The following NDNF variants were observed in gnomAD, a reference collection of about 807,000 sequenced individuals.
NDNF encodes protein NDNF.
Under a neutral mutation model 42.0 loss-of-function variants are expected in NDNF, and 16 were observed. That is an observed-to-expected ratio of 0.38 (90% CI 0.26 to 0.58). The LOEUF (loss-of-function observed/expected upper bound fraction) is 0.58. NDNF is among the 20% of genes least tolerant of loss of function. The probability of loss-of-function intolerance (pLI) is 0.67; values close to 1 mark genes in which losing one functional copy is unlikely to be tolerated. For missense variants in NDNF, 616 were observed against 666.2 expected (o/e 0.92, Z 0.83); for synonymous variants, 248 against 251.7 (o/e 0.99, Z 0.14).
At chr4:121,045,548 G>A in intron 2 of NDNF, 102 bp downstream of exon 2, 1 of 973,242 alleles carries the variant, frequency 1.0e-6, no homozygotes, top group Non-Finnish European at 1.5e-6. Flanking sequence ...GCCATTCATA[G>A]GTTGATTTGT....
intron 1 of NDNF, among the ~76,000 whole-genome samples, chr4:121,052,824 C>T (rs1050309990): frequency 1.3e-5 from 2 of 152,102 alleles, no homozygotes; most frequent in African/African-American, 4.8e-5. Flanking sequence ...ATGAAAATGT[C>T]TGAAGTTAGT....
rs750727519 is a variant in NDNF at position 121,037,511 on chromosome 4, C to T, written c.460G>A (p.Glu154Lys). 1.9e-6 allele frequency: 3 copies of T among 1,614,080 alleles called. No individual in the cohort carries two copies. The Admixed American group carries it at 5.0e-5, about 27-fold the overall frequency. ...TATACTTTGAAATGTGTGTCTTTCT[C>T]TGTTGAAAGAAGATCCAACTGATAT... The part of the protein sequence containing the change: ...GLYQLDLLST[E>K]KDTHFKVYAT... Residue 154 changes from glutamate (E) to lysine (K), a missense_variant, in exon 4 of 4, where the codon GAG (glutamate) becomes AAG (lysine). Physicochemically the swap from Glu to Lys is moderately conservative, Grantham distance 56. Coordinates refer to ENST00000379692, the MANE Select transcript of NDNF (RefSeq NM_024574.4).
At chr4:121,068,937 T>C (rs2148773742) in intron 1 of NDNF, among the ~76,000 whole-genome samples, 1 of 152,216 alleles carries the variant, frequency 6.6e-6, no homozygotes, top group African/African-American at 2.4e-5. Context: ...CAAAAACACA[T>C]TCAGTTTTAA....
intron 1 of NDNF, among the ~76,000 whole-genome samples, chr4:121,070,419 G>A (rs1727570254): frequency 6.6e-6 from 1 of 152,272 alleles, no homozygotes; most frequent in East Asian, 1.9e-4. Flanking sequence ...GTTTGAAGGG[G>A]GCGGAGAATG....
intron 1 of NDNF, among the ~76,000 whole-genome samples, chr4:121,048,050 T>C (rs564878178): frequency 7.9e-5 from 12 of 152,328 alleles, no homozygotes; most frequent in Admixed American, 7.8e-4. Context: ...CCTCTGCTCC[T>C]CTTTTGTTTG....
chr4:121,042,782 A>G (rs550913520), intron 2 of NDNF, among the ~76,000 whole-genome samples: 43 of 152,322 alleles, frequency 2.8e-4, no homozygotes, highest in Admixed American at 2.6e-3. Flanking sequence ...TGAATAACAG[A>G]GCTAAGCAAC....
chr4:121,067,245 TAA>T (rs1031267653), intron 1 of NDNF, among the ~76,000 whole-genome samples: 3 of 152,212 alleles, frequency 2.0e-5, no homozygotes, highest in African/African-American at 4.8e-5. Flanking sequence ...AAAGAAGAAT[TAA>T]AAGAGACATT....
chr4:121,036,188 G>C lies in NDNF; in HGVS notation c.*76C>G, dbSNP rs910783999. On this transcript the variant is annotated 3_prime_UTR_variant, in exon 4 of 4. Transcript: ENST00000379692. ...AGGTCACAACTTCTCTCAACTGTGGGAGTAGTCAGTTTATACTTAAAGTGA... is the reference window on the plus strand; with the variant it reads ...AGGTCACAACTTCTCTCAACTGTGGCAGTAGTCAGTTTATACTTAAAGTGA... The C allele has an allele frequency of 1.7e-6, 2 of 1,170,196 alleles. No homozygotes were observed. The highest frequency in any genetic ancestry group is 2.3e-5 in the East Asian group (1 of 42,704). The allele number at this position is 1,170,196 out of a possible 1,614,324, so 72.5% of individuals were successfully genotyped here. A position where few individuals can be genotyped will look rare whatever the true frequency, so the allele number is the denominator to read the frequency against.
intron 1 of NDNF, among the ~76,000 whole-genome samples, chr4:121,052,581 A>G (rs975317068): frequency 2.0e-5 from 3 of 152,230 alleles, no homozygotes; most frequent in Non-Finnish European, 2.9e-5. Flanking sequence ...CACATTTGAT[A>G]ATAAATCTGA....
At chr4:121,047,429 C>T (rs1727113026) in intron 1 of NDNF, among the ~76,000 whole-genome samples, 1 of 152,160 alleles carries the variant, frequency 6.6e-6, no homozygotes, top group Non-Finnish European at 1.5e-5. Context: ...TAGCTGCTAT[C>T]CTATGCAAAA....
intron 2 of NDNF, among the ~76,000 whole-genome samples, chr4:121,040,957 T>A (rs1726987872): frequency 6.6e-6 from 1 of 152,174 alleles, no homozygotes; most frequent in South Asian, 2.1e-4. Flanking sequence ...TTTCATATCT[T>A]TTGGAATCGC....
chr4:121,056,573 A>C (rs529601824), intron 1 of NDNF, among the ~76,000 whole-genome samples: 1 of 152,338 alleles, frequency 6.6e-6, no homozygotes, highest in African/African-American at 2.4e-5. Flanking sequence ...TACTACAGCA[A>C]GAAAAAAAGA....
At chr4:121,049,984 T>C (rs1270636564) in intron 1 of NDNF, among the ~76,000 whole-genome samples, 1 of 152,200 alleles carries the variant, frequency 6.6e-6, no homozygotes, top group Admixed American at 6.5e-5. Flanking sequence ...AAAACTTAAA[T>C]ATTAGGGAGC....
intron 3 of NDNF, among the ~76,000 whole-genome samples, chr4:121,039,681 G>C (rs1257209137): frequency 6.6e-6 from 1 of 152,026 alleles, no homozygotes; most frequent in Non-Finnish European, 1.5e-5. Context: ...AGCCATAGAG[G>C]CTAGTCCAAA....
At chr4:121,069,229 C>A (rs772263471) in intron 1 of NDNF, among the ~76,000 whole-genome samples, 1 of 152,152 alleles carries the variant, frequency 6.6e-6, no homozygotes, top group South Asian at 2.1e-4. Context: ...AGCATTCCAT[C>A]GACCTGGTAT....
chr4:121,070,740 G>GA (rs1727577167), intron 1 of NDNF, among the ~76,000 whole-genome samples: 1 of 152,126 alleles, frequency 6.6e-6, no homozygotes, highest in Non-Finnish European at 1.5e-5. Flanking sequence ...AGAAAAGAAG[G>GA]AAAAAACATA....
chr4:121,062,760 A>C (rs1374029741), intron 1 of NDNF, among the ~76,000 whole-genome samples: 1 of 152,092 alleles, frequency 6.6e-6, no homozygotes, highest in African/African-American at 2.4e-5. Flanking sequence ...AAAAGGCTGC[A>C]GCTGGTGAGT....
Position 121,035,920 on chromosome 4 carries a change from G to T in NDNF, c.*344C>A, listed in dbSNP as rs575181496. 2.5e-4 allele frequency: 46 copies of T among 180,990 alleles called. No homozygotes were observed. In the South Asian group the frequency reaches 7.6e-3, roughly 30 times the overall value. The allele number at this position is 180,990 out of a possible 1,614,324, so 11.2% of individuals were successfully genotyped here. A position where few individuals can be genotyped will look rare whatever the true frequency, so the allele number is the denominator to read the frequency against. On this transcript the variant is annotated 3_prime_UTR_variant, in exon 4 of 4. Transcript: ENST00000379692. The stretch of plus-strand genomic sequence containing the variant: ...ACAGAGAGGAATGATTTGCATTTGT[G>T]GGTGTGTGCAATGAATGGCATATTT...
chr4:121,039,192 GTATATA>G (rs57613027), intron 3 of NDNF, among the ~76,000 whole-genome samples: 261 of 21,500 alleles, frequency 0.012, 6 homozygotes, highest in Middle Eastern at 0.038. Flanking sequence ...GTGTGTGTGT[GTATATA>G]TATATATATA....
Sources: allele counts gnomAD v4.1 joint callset (sites outside exome capture counted in the v4.1 genomes callset), GRCh38; gene constraint gnomAD v4.1.1; transcripts MANE v1.5; gene names NCBI Gene and HGNC (gene_info 2026-07-23, HGNC 2026-07-21).